HS3ST3A1: variants seen among roughly 807,000 people sequenced by gnomAD.
The protein encoded by HS3ST3A1 is heparan sulfate-glucosamine 3-sulfotransferase 3A1, also known as heparan sulfate glucosamine 3-O-sulfotransferase 3A1.
In HS3ST3A1, 19 loss-of-function variants were observed where a neutral mutation model predicts 25.7. The ratio of observed to expected loss-of-function variants is 0.74; its 90% CI spans 0.52 to 1.08. HS3ST3A1 has a LOEUF of 1.08. Ranked by LOEUF, HS3ST3A1 falls within the 50% of genes least tolerant of loss-of-function variation. The pLI, the probability that HS3ST3A1 is intolerant of heterozygous loss-of-function variation, is 0.00. For synonymous variants in HS3ST3A1, 226 were observed against 278.6 expected, an observed-to-expected ratio of 0.81 and a Z score of 1.88; for missense variants, 459 against 594.3, an observed-to-expected ratio of 0.77 and a Z score of 2.37.
intron 1 of HS3ST3A1, among the ~76,000 whole-genome samples, chr17:13,521,572 G>A (rs1033286266): frequency 2.6e-5 from 4 of 152,282 alleles, no homozygotes; most frequent in South Asian, 4.1e-4. Context: ...AGAGGCATTC[G>A]TTAACGTTTA....
At chr17:13,517,943 C>T (rs11868901) in intron 1 of HS3ST3A1, among the ~76,000 whole-genome samples, 20 of 152,114 alleles carry the variant, frequency 1.3e-4, no homozygotes, top group African/African-American at 2.4e-4. Context: ...TGTGCCTGGC[C>T]GTAAATTTAT....
At chr17:13,531,157 G>A (rs931700508) in intron 1 of HS3ST3A1, among the ~76,000 whole-genome samples, 9 of 152,176 alleles carry the variant, frequency 5.9e-5, no homozygotes, top group African/African-American at 1.4e-4. Context: ...ATTTTATCGC[G>A]ATATCTTTCC....
rs529774791 is a variant in HS3ST3A1, at chr17:13,549,629, T to C, written c.599+50902A>G. ...AAGTCCACTCATCCTCTTCTGATGG[T>C]GGTTGCTCCCCACTCTACTGGGCTC... On this transcript the variant is annotated intron_variant, in intron 1 of 1. Transcript: ENST00000284110. Among the ~76,000 whole-genome samples the C allele has an allele frequency of 1.1e-4, 16 of 152,294 alleles. No homozygotes were observed. In the South Asian group the frequency reaches 3.1e-3, roughly 30 times the overall value.
At chr17:13,555,443 A>G (rs1907346313) in intron 1 of HS3ST3A1, among the ~76,000 whole-genome samples, 1 of 152,156 alleles carries the variant, frequency 6.6e-6, no homozygotes, top group Admixed American at 6.5e-5. Context: ...CTGGTGTTCA[A>G]CTAGGAGCCT....
chr17:13,578,435 C>T (rs34062668), intron 1 of HS3ST3A1, among the ~76,000 whole-genome samples: 5,619 of 149,954 alleles, frequency 0.037, 121 homozygotes, highest in Middle Eastern at 0.1. Context: ...TGGTGGTGGG[C>T]GCCTGTAGTC....
chr17:13,551,612 CA>C lies in HS3ST3A1; in HGVS notation c.599+48918del, dbSNP rs559605044. On this transcript the variant is annotated intron_variant, in intron 1 of 1. Coordinates refer to ENST00000284110, the MANE Select transcript of HS3ST3A1 (RefSeq NM_006042.3). Reference sequence around the variant, plus strand: ...TTCCCTGCTTAAATAAATTTCATTCCAAGAAAAAAAAAAGGGGGGGGGGTAT... The same window carrying C: ...TTCCCTGCTTAAATAAATTTCATTCCAGAAAAAAAAAAGGGGGGGGGGTAT... Among the ~76,000 whole-genome samples the C allele has an allele frequency of 1.1e-4, 9 of 84,612 alleles. No individual in the cohort carries two copies. In the South Asian group the frequency reaches 3.4e-3, roughly 31 times the overall value. The allele number at this position is 84,612 out of a possible 152,430, so 55.5% of individuals were successfully genotyped here.
In HS3ST3A1 at chr17:13,600,850, G is replaced by A; in HGVS notation, c.280C>T (p.Pro94Ser). The change falls in exon 1 of 2, where the codon CCG becomes TCG. Residue 94 changes from proline (P) to serine (S), a missense_variant. Pro to Ser is a moderately conservative substitution (Grantham distance 74). Around this residue, in one of 3 missense-constraint regions of HS3ST3A1, gnomAD observed 346 missense variants for 303.9 expected, o/e 1.14. Coordinates refer to ENST00000284110, the MANE Select transcript of HS3ST3A1 (RefSeq NM_006042.3). Reference sequence around the variant, plus strand: ...GGCGGCCGGCGCCTCCGCCACTGCGGCAGTTGCAGGAGGCGCTTTCTCTGT... The same window carrying A: ...GGCGGCCGGCGCCTCCGCCACTGCGACAGTTGCAGGAGGCGCTTTCTCTGT... ...AAQRKRLLQL[P>S]QWRRRRPPAP... The A allele has an allele frequency of 7.0e-7, 1 of 1,435,738 alleles. No individual in the cohort carries two copies. The highest frequency in any genetic ancestry group is 9.0e-7 in the Non-Finnish European group (1 of 1,105,510). 88.9% of individuals were successfully genotyped at this position (1,435,738 alleles called of 1,614,324 possible). A position where few individuals can be genotyped will look rare whatever the true frequency, so the allele number is the denominator to read the frequency against.
intron 1 of HS3ST3A1, among the ~76,000 whole-genome samples, chr17:13,522,255 CGA>C (rs2142320032): frequency 6.6e-6 from 1 of 151,364 alleles, no homozygotes; most frequent in Non-Finnish European, 1.5e-5. Flanking sequence ...TTAACAATAC[CGA>C]GAGAGTATCT....
At chr17:13,578,562 C>CA (rs536270780) in intron 1 of HS3ST3A1, among the ~76,000 whole-genome samples, 931 of 85,652 alleles carry the variant, frequency 0.011, 7 homozygotes, top group African/African-American at 0.027. Flanking sequence ...GACTCCATCT[C>CA]AAAAAAAAAA....
chr17:13,496,919 C>G, intron 1 of HS3ST3A1, 101 bp from the exon 2 acceptor site: 1 of 1,482,104 alleles, frequency 6.7e-7, no homozygotes, highest in African/African-American at 1.4e-5. Flanking sequence ...TTCCAGCCCC[C>G]GCAACCCCCC....
chr17:13,569,472 A>G (rs1907750920), intron 1 of HS3ST3A1, among the ~76,000 whole-genome samples: 1 of 152,222 alleles, frequency 6.6e-6, no homozygotes, highest in South Asian at 2.1e-4. Context: ...CAAGCTCCAC[A>G]TGCATTGCTG....
chr17:13,562,351 A>T (rs551154540), intron 1 of HS3ST3A1, among the ~76,000 whole-genome samples: 1 of 152,240 alleles, frequency 6.6e-6, no homozygotes, highest in African/African-American at 2.4e-5. Flanking sequence ...ACAGACAGAC[A>T]GCCTCGTCTA....
intron 1 of HS3ST3A1, among the ~76,000 whole-genome samples, chr17:13,571,214 T>A (rs540236366): frequency 2.6e-5 from 4 of 152,218 alleles, no homozygotes; most frequent in Non-Finnish European, 4.4e-5. Flanking sequence ...TTGTGACACA[T>A]GTAGTTCTAG....
Position 13,496,008 on chromosome 17 carries a change from T to A in HS3ST3A1, c.*189A>T. ...TGTTTAGACGAGTGAAATTTTCCTT[T>A]TCTGTTGATCCACGTGTTTGGTGTT... On this transcript the variant is annotated 3_prime_UTR_variant, in exon 2 of 2. Coordinates refer to ENST00000284110, the MANE Select transcript of HS3ST3A1 (RefSeq NM_006042.3). 1.5e-6 allele frequency: 1 copy of A among 667,150 alleles called. No homozygotes were observed. Among genetic ancestry groups the A allele is most frequent in the Non-Finnish European group, 2.3e-6 (1 of 431,508 alleles). 41.3% of individuals were successfully genotyped at this position (667,150 alleles called of 1,614,324 possible).
chr17:13,552,712 C>A (rs1235069157), intron 1 of HS3ST3A1, among the ~76,000 whole-genome samples: 5 of 152,162 alleles, frequency 3.3e-5, no homozygotes, highest in Non-Finnish European at 7.3e-5. Flanking sequence ...GGCTGGAGAA[C>A]TTTTTCAAAT....
intron 1 of HS3ST3A1, among the ~76,000 whole-genome samples, chr17:13,575,988 C>T (rs1207534536): frequency 1.3e-5 from 2 of 152,226 alleles, no homozygotes; most frequent in African/African-American, 4.8e-5. Context: ...GTTAGAAATG[C>T]AAATGCTCGG....
chr17:13,593,250 A>AAAAAAAAAAAAAAAAAT (rs1908481397), intron 1 of HS3ST3A1, among the ~76,000 whole-genome samples: 1 of 151,592 alleles, frequency 6.6e-6, no homozygotes, highest in Non-Finnish European at 1.5e-5. Context: ...AAAAAAAAAA[A>AAAAAAAAAAAAAAAAAT]AAAGTCATAC....
At position 13,601,098 on chromosome 17, in the gene HS3ST3A1, G is replaced by C. The variant is rs937577080; in HGVS notation, c.32C>G (p.Ser11Cys). 1 of 1,589,484 alleles carries C rather than the reference G, an allele frequency of 6.3e-7. No homozygotes were observed. Among genetic ancestry groups the C allele is most frequent in the Non-Finnish European group, 8.6e-7 (1 of 1,169,552 alleles). Residue 11 changes from serine (S) to cysteine (C), a missense_variant, in exon 1 of 2, where the codon TCC becomes TGC. By Grantham distance (112) the Ser-to-Cys change is moderately radical (BLOSUM62 -1). This residue lies in a region of HS3ST3A1 where 346 missense variants were observed against 303.9 expected (regional missense o/e 1.14). Transcript: ENST00000284110. ...GCGGGACAGCGGCTCGGCCGAGGTG[G>C]AGAGGGCACTGGCCGGGCCCGGAGG... Reference protein sequence around the residue: MAPPGPASALSTSAEPLSRSI... With the variant: MAPPGPASALCTSAEPLSRSI...
At chr17:13,551,392 T>A (rs995701947) in intron 1 of HS3ST3A1, among the ~76,000 whole-genome samples, 4 of 138,582 alleles carry the variant, frequency 2.9e-5, no homozygotes, top group Non-Finnish European at 6.3e-5. Context: ...TAAATAAATA[T>A]AAAAATAAAT....
Sources: allele counts gnomAD v4.1 joint callset (sites outside exome capture counted in the v4.1 genomes callset), GRCh38; gene constraint gnomAD v4.1.1; regional missense constraint gnomAD v4.1.1; transcripts MANE v1.5; gene names NCBI Gene and HGNC (gene_info 2026-07-23, HGNC 2026-07-21).